Variants in NID2 observed in about 807,000 individuals in gnomAD.
NID2 encodes nidogen-2.
In NID2, 83 loss-of-function variants were observed where a neutral mutation model predicts 145.4. That is an observed-to-expected ratio of 0.57 (90% CI 0.48 to 0.69). The LOEUF (loss-of-function observed/expected upper bound fraction) is 0.69, where lower values mean the gene tolerates loss of function less well. Among genes scored for constraint, NID2 ranks in the 30% least tolerant of loss-of-function variants. The pLI is 0.00. For missense variants in NID2, 1,807 were observed against 1,765.7 expected, an observed-to-expected ratio of 1.02 and a Z score of -0.42; for synonymous variants, 739 against 701.3, an observed-to-expected ratio of 1.05 and a Z score of -0.85.
rs181988312 is a variant in NID2, at chr14:52,023,434, G to A, written c.2675-3256C>T. On this transcript the variant is annotated intron_variant, in intron 12 of 21. Transcript: ENST00000216286. ...CACACCACTGCCCTCCAGCCTGGGT[G>A]ATAAAGTAAGACCCTGCCTAAAAAA... Among the ~76,000 whole-genome samples, 12 of 151,106 alleles carry A rather than the reference G, an allele frequency of 7.9e-5. No homozygotes were observed. In the East Asian group the frequency reaches 2.2e-3, roughly 28 times the overall value.
rs1400030433 is a variant in NID2, at chr14:52,065,089, C to CT, written c.534+2768_534+2769insA. Among the ~76,000 whole-genome samples the CT allele has an allele frequency of 2.8e-5, 4 of 140,820 alleles. No individual in the cohort carries two copies. The Admixed American group carries it at 2.9e-4, about 10-fold the overall frequency. The allele number at this position is 140,820 out of a possible 152,430, so 92.4% of individuals were successfully genotyped here. A position where few individuals can be genotyped will look rare whatever the true frequency, so the allele number is the denominator to read the frequency against. On this transcript the variant is annotated intron_variant, in intron 2 of 21. Transcript: ENST00000216286. ...TGAATTGACAAACACTATTTGTTCA[C>CT]ATTTTTTTTTCAGATACAATTACAC...
Position 52,015,281 on chromosome 14 carries a change from C to A in NID2, c.3029-6G>T. The A allele has an allele frequency of 6.2e-7, 1 of 1,601,044 alleles. No individual in the cohort carries two copies. Among genetic ancestry groups the A allele is most frequent in the Non-Finnish European group, 8.5e-7 (1 of 1,169,830 alleles). On this transcript the variant is annotated splice_polypyrimidine_tract_variant and splice_region_variant and intron_variant, in intron 14 of 21. Coordinates refer to ENST00000216286, the MANE Select transcript of NID2 (RefSeq NM_007361.4). ...CGGGGGCCTCTGGGTGGGCTCTGAG[C>A]AGATGGGGAAGAGGGAAGAAGAAAA...
intron 9 of NID2, among the ~76,000 whole-genome samples, chr14:52,038,080 CTTTTA>C (rs1032825586): frequency 5.9e-5 from 9 of 152,146 alleles, no homozygotes; most frequent in East Asian, 1.9e-4. Flanking sequence ...ATTTAGATGG[CTTTTA>C]TTTTGTGTTC....
chr14:52,042,593 T>G (rs1892325509), intron 6 of NID2, among the ~76,000 whole-genome samples, 189 bp downstream of exon 6: 1 of 152,228 alleles, frequency 6.6e-6, no homozygotes, highest in Non-Finnish European at 1.5e-5. Flanking sequence ...CATTTCTGGA[T>G]AATCCTCAAA....
chr14:52,015,832 G>A (rs879303744), intron 14 of NID2, among the ~76,000 whole-genome samples: 1 of 152,164 alleles, frequency 6.6e-6, no homozygotes, highest in African/African-American at 2.4e-5. Context: ...CCAGCGCCAC[G>A]GTGCCCTCTG....
intron 14 of NID2, among the ~76,000 whole-genome samples, chr14:52,015,702 G>A (rs1891193344): frequency 6.6e-6 from 1 of 152,140 alleles, no homozygotes; most frequent in Non-Finnish European, 1.5e-5. Context: ...TAGCCGAGGT[G>A]ATGCTTAAAG....
At chr14:52,036,295 C>T (rs975272646) in intron 9 of NID2, among the ~76,000 whole-genome samples, 1 of 152,106 alleles carries the variant, frequency 6.6e-6, no homozygotes, top group African/African-American at 2.4e-5. Flanking sequence ...CACTGACTAC[C>T]TTCACTTAAG....
At chr14:52,038,157 C>T (rs1327231783) in intron 9 of NID2, among the ~76,000 whole-genome samples, 1 of 152,200 alleles carries the variant, frequency 6.6e-6, no homozygotes, top group Non-Finnish European at 1.5e-5. Context: ...CAACAGCAGA[C>T]ATCCTTGTCT....
In NID2 at chr14:52,034,323, T is replaced by A. The variant is rs528597403; in HGVS notation, c.2257+4424A>T. Among the ~76,000 whole-genome samples the A allele has an allele frequency of 1.9e-4, 29 of 152,006 alleles. No homozygotes were observed. The South Asian group carries it at 6.0e-3, about 32-fold the overall frequency. ...ATAGCCTGGGAAATTTCACTAACAG[T>A]TGCTTTTACAGATCAGATGCCTACA... On this transcript the variant is annotated intron_variant, in intron 9 of 21. Transcript: ENST00000216286.
intron 2 of NID2, among the ~76,000 whole-genome samples, chr14:52,063,245 C>T (rs1893071656): frequency 6.6e-6 from 1 of 152,228 alleles, no homozygotes; most frequent in South Asian, 2.1e-4. Flanking sequence ...AAAGAGAAGC[C>T]CTCAGATGGG....
In NID2 at chr14:52,045,844, A is replaced by C. The variant is rs114956897; in HGVS notation, c.1430-2913T>G. ...GAATGAGGGGCTGCAGAAAGCGCCA[A>C]GCTCTAGGACTCAACCTCAGCCCTC... is the stretch of plus-strand genomic sequence containing the variant. On this transcript the variant is annotated intron_variant, in intron 5 of 21. Coordinates refer to ENST00000216286, the MANE Select transcript of NID2 (RefSeq NM_007361.4). Among the ~76,000 whole-genome samples, 214 of 152,324 alleles carry C rather than the reference A, an allele frequency of 1.4e-3. 1 individual carries two copies. Among genetic ancestry groups the C allele is most frequent in the African/African-American group, 5.0e-3 (208 of 41,568 alleles).
At chr14:52,021,131 G>T (rs927155827) in intron 12 of NID2, among the ~76,000 whole-genome samples, 1 of 152,006 alleles carries the variant, frequency 6.6e-6, no homozygotes, top group African/African-American at 2.4e-5. Flanking sequence ...ATAAACAAAG[G>T]GTGTAGGTCC....
In NID2 at chr14:52,040,882, GAA is replaced by G. The variant is rs771297248; in HGVS notation, c.1826-33_1826-32del. 2.2e-5 allele frequency: 35 copies of G among 1,602,020 alleles called. No individual in the cohort carries two copies. In the East Asian group the frequency reaches 3.1e-4, roughly 14 times the overall value. ...GATGAAAAACATTCAGCACAGGGAT[GAA>G]AAGAGGTCTTGCTTAAACAGTTACC... is the stretch of plus-strand genomic sequence containing the variant. On this transcript the variant is annotated intron_variant, in intron 7 of 21. Coordinates refer to ENST00000216286, the MANE Select transcript of NID2 (RefSeq NM_007361.4).
chr14:52,032,804 GAA>G (rs3030384), intron 9 of NID2, among the ~76,000 whole-genome samples: 2 of 141,814 alleles, frequency 1.4e-5, no homozygotes, highest in African/African-American at 5.4e-5. Flanking sequence ...GGCATTAAAA[GAA>G]AAAAAAAAAA....
intron 7 of NID2, 72 bp downstream of exon 7, chr14:52,042,033 A>T: frequency 6.6e-7 from 1 of 1,509,732 alleles, no homozygotes; most frequent in Non-Finnish European, 8.9e-7. Flanking sequence ...GTAAAGGCCT[A>T]AAGACAGTGC....
chr14:52,066,529 T>C (rs1460230213), intron 2 of NID2, among the ~76,000 whole-genome samples: 3 of 152,178 alleles, frequency 2.0e-5, no homozygotes, highest in African/African-American at 7.2e-5. Context: ...GATTATTACG[T>C]ATTGCATGCC....
chr14:52,033,096 G>C (rs145949278), intron 9 of NID2, among the ~76,000 whole-genome samples: 2 of 152,150 alleles, frequency 1.3e-5, no homozygotes, highest in Non-Finnish European at 2.9e-5. Context: ...ACCATTTCAC[G>C]ACTCATTCTC....
rs575628713 is a variant in NID2 at position 52,068,058 on chromosome 14, C to T, written c.334G>A (p.Asp112Asn). The T allele has an allele frequency of 6.2e-7, 1 of 1,613,776 alleles. No individual in the cohort carries two copies. Among genetic ancestry groups the T allele is most frequent in the Non-Finnish European group, 8.5e-7 (1 of 1,179,904 alleles). The change falls in exon 2 of 22, where the codon GAC becomes AAC. Residue 112 changes from aspartate (D) to asparagine (N), a missense_variant. Physicochemically the swap from Asp to Asn is conservative, Grantham distance 23. Transcript: ENST00000216286. ...DFPAIAPFLA[D>N]IDTSHGRGRV... ...CCTCTGCCGTGGCTCGTGTCGATGT[C>T]CGCCAGAAAAGGGGCGATGGCCGGG... is the stretch of plus-strand genomic sequence containing the variant.
chr14:52,016,090 G>A (rs1248731372), intron 14 of NID2, among the ~76,000 whole-genome samples: 1 of 151,956 alleles, frequency 6.6e-6, no homozygotes, highest in East Asian at 1.9e-4. Flanking sequence ...CTCCCTCACA[G>A]CTCACTCCAT....
Sources: allele counts gnomAD v4.1 joint callset (sites outside exome capture counted in the v4.1 genomes callset), GRCh38; gene constraint gnomAD v4.1.1; transcripts MANE v1.5; gene names NCBI Gene and HGNC (gene_info 2026-07-23, HGNC 2026-07-21).